The following FAM153A variants were observed in gnomAD, a reference collection of about 807,000 sequenced individuals.
The protein encoded by FAM153A is protein FAM153A.
FAM153A carries 12 observed loss-of-function variants against 48.1 expected under a neutral mutation model. The observed-to-expected ratio is 0.25, with a 90% confidence interval of 0.16 to 0.40. The LOEUF (loss-of-function observed/expected upper bound fraction) is 0.40. Among genes scored for constraint, FAM153A ranks in the 10% least tolerant of loss-of-function variants. The pLI is 1.00. For synonymous variants in FAM153A, 36 were observed against 118.2 expected, an observed-to-expected ratio of 0.30 and a Z score of 4.51; for missense variants, 111 against 345.8, an observed-to-expected ratio of 0.32 and a Z score of 5.38.
At chr5:177,764,140 G>A (rs1377457307) in intron 1 of FAM153A, among the ~76,000 whole-genome samples, 1 of 140,380 alleles carries the variant, frequency 7.1e-6, no homozygotes, top group African/African-American at 2.8e-5. Context: ...GTGGCTGGTC[G>A]CCTTGAGCAC....
At chr5:177,716,586 A>G (rs1759845917) in intron 24 of FAM153A, among the ~76,000 whole-genome samples, 1 of 151,794 alleles carries the variant, frequency 6.6e-6, no homozygotes, top group African/African-American at 2.4e-5. Flanking sequence ...GTCCTGACCA[A>G]GTTCCCCCAG....
chr5:177,709,022 G>C (rs1374165821), downstream of FAM153A, among the ~76,000 whole-genome samples: 1 of 143,984 alleles, frequency 6.9e-6, no homozygotes, highest in Non-Finnish European at 1.5e-5. Context: ...TTGAACCCGG[G>C]GGGCAGAGGT....
upstream of FAM153A, among the ~76,000 whole-genome samples, chr5:177,756,042 A>G (rs1410931438): frequency 2.0e-5 from 3 of 149,516 alleles, no homozygotes; most frequent in East Asian, 5.8e-4. Flanking sequence ...CAGACTGGCA[A>G]ATTGGATAAA....
chr5:177,716,389 G>C (rs554607208), exon 25 of FAM153A: 2 of 152,004 alleles, frequency 1.3e-5, no homozygotes, highest in South Asian at 2.1e-4. Context: ...AACTCAATCA[G>C]AACTTGAGAA....
At chr5:177,713,056 T>TG (rs1758750076) in exon 27 of FAM153A, 1 of 151,952 alleles carries the variant, frequency 6.6e-6, no homozygotes, top group Non-Finnish European at 1.5e-5. Context: ...ACAAAATCAA[T>TG]GAAATGTCTG....
chr5:177,738,171 C>T (rs1321665184), intron 10 of FAM153A, among the ~76,000 whole-genome samples: 1 of 151,276 alleles, frequency 6.6e-6, no homozygotes, highest in Non-Finnish European at 1.5e-5. Context: ...AGGATAACAC[C>T]CAAGTTTTTC....
chr5:177,731,095 G>A (rs1763772018), intron 16 of FAM153A, among the ~76,000 whole-genome samples: 1 of 55,958 alleles, frequency 1.8e-5, no homozygotes, highest in African/African-American at 7.7e-5. Flanking sequence ...TAGAGTACTG[G>A]ACTCCCAGTT....
rs767012771 is a variant in FAM153A at position 177,725,703 on chromosome 5, TGACAA to T, written c.965-887_965-883del. Among the ~76,000 whole-genome samples the T allele has an allele frequency of 9.2e-5, 14 of 151,552 alleles. No homozygotes were observed. The South Asian group carries it at 1.5e-3, about 16-fold the overall frequency. On this transcript the variant is annotated intron_variant, in intron 18 of 20. Coordinates refer to ENST00000614127, the Ensembl canonical transcript of FAM153A. ...GGCTGCTGAGCCAGAGAGGAGGGTG[TGACAA>T]GACAAGTGACTACTGTGCCAGCTGC...
chr5:177,701,613 G>C, the FAM153A span, among the ~76,000 whole-genome samples: 1 of 149,130 alleles, frequency 6.7e-6, no homozygotes, highest in Admixed American at 6.7e-5. Flanking sequence ...CTACTCTGAG[G>C]TATTTCTTTA....
At chr5:177,739,691 G>A in intron 8 of FAM153A, 21 bp from the exon 11 acceptor site, 1 of 392,550 alleles carries the variant, frequency 2.5e-6, no homozygotes, top group Non-Finnish European at 4.0e-6. Context: ...TAGGGTAAGT[G>A]TCACTGCATG....
At chr5:177,706,959 G>T (rs1047639868), downstream of FAM153A, 1 of 151,934 alleles carries the variant, frequency 6.6e-6, no homozygotes. Context: ...GAAAATAAAG[G>T]TCATTATAAA....
intron 25 of FAM153A, among the ~76,000 whole-genome samples, chr5:177,714,598 TACA>T (rs1447150023): frequency 1.3e-5 from 1 of 78,580 alleles, no homozygotes; most frequent in Non-Finnish European, 2.4e-5. Context: ...ATCCGAAGTT[TACA>T]ACAAGGGTGT....
chr5:177,719,005 C>T (rs564178867), downstream of FAM153A, among the ~76,000 whole-genome samples: 12 of 151,548 alleles, frequency 7.9e-5, no homozygotes, highest in African/African-American at 1.9e-4. Flanking sequence ...CTCAGCCTCC[C>T]GAGTAACTGG....
At chr5:177,753,942 A>C (rs1767377761), upstream of FAM153A, among the ~76,000 whole-genome samples, 1 of 151,916 alleles carries the variant, frequency 6.6e-6, no homozygotes, top group African/African-American at 2.4e-5. Flanking sequence ...CTGCATTTCC[A>C]ACTGAGGTAT....
downstream of FAM153A, among the ~76,000 whole-genome samples, chr5:177,704,274 A>C (rs564119543): frequency 1.4e-5 from 1 of 72,492 alleles, no homozygotes; most frequent in South Asian, 7.4e-4. Flanking sequence ...TCTCTGTTTG[A>C]GGTCGGGCAT....
At chr5:177,743,580 G>A (rs1307382670) in intron 6 of FAM153A, among the ~76,000 whole-genome samples, 1 of 122,644 alleles carries the variant, frequency 8.2e-6, no homozygotes, top group Non-Finnish European at 1.7e-5. Context: ...CCACCTGCAG[G>A]CTCCTCTCTT....
chr5:177,759,211 G>GA (rs1561949481), intron 1 of FAM153A, among the ~76,000 whole-genome samples: 1 of 151,784 alleles, frequency 6.6e-6, no homozygotes, highest in Non-Finnish European at 1.5e-5. Context: ...ACAGACACAT[G>GA]AAAAAATGCT....
Position 177,716,994 on chromosome 5 carries a change from T to TGTGTGTGTGTGTGC in FAM153A, c.*1151+168_*1151+169insGCACACACACACAC, listed in dbSNP as rs1554136879. ...GTGTGTGTGTGTGTGTGTGTGTGTG[T>TGTGTGTGTGTGTGC]GTGTGTAGAGTCTGGTCTCAAACTT... On this transcript the variant is annotated intron_variant and NMD_transcript_variant, in intron 24 of 26. Coordinates refer to the FAM153A transcript ENST00000360669. Among the ~76,000 whole-genome samples the TGTGTGTGTGTGTGC allele has an allele frequency of 1.5e-3, 233 of 150,962 alleles. 2 individuals are homozygous for TGTGTGTGTGTGTGC. Among genetic ancestry groups the TGTGTGTGTGTGTGC allele is most frequent in the Non-Finnish European group, 2.4e-3 (162 of 67,818 alleles).
chr5:177,764,637 C>T (rs1257087866), intron 1 of FAM153A, among the ~76,000 whole-genome samples: 1 of 150,306 alleles, frequency 6.7e-6, no homozygotes, highest in Non-Finnish European at 1.5e-5. Context: ...CCTGGGCTGG[C>T]CCAGATGAGG....
Sources: allele counts gnomAD v4.1 joint callset (sites outside exome capture counted in the v4.1 genomes callset), GRCh38; gene constraint gnomAD v4.1.1; transcripts MANE v1.5; gene names NCBI Gene and HGNC (gene_info 2026-07-23, HGNC 2026-07-21).